CCDC60: variants seen among roughly 807,000 people sequenced by gnomAD.
CCDC60 encodes coiled-coil domain-containing protein 60.
Under a neutral mutation model 63.5 loss-of-function variants are expected in CCDC60, and 54 were observed. The ratio of observed to expected loss-of-function variants is 0.85; its 90% CI spans 0.68 to 1.07. CCDC60 has a LOEUF of 1.07. CCDC60 is among the 50% of genes least tolerant of loss of function. The pLI, the probability that CCDC60 is intolerant of heterozygous loss-of-function variation, is 0.00. For missense variants in CCDC60, 651 were observed against 684.3 expected (o/e 0.95, Z 0.54); for synonymous variants, 206 against 238.8 (o/e 0.86, Z 1.27).
intron 1 of CCDC60, among the ~76,000 whole-genome samples, chr12:119,336,383 G>C (rs1417894606): frequency 1.3e-5 from 2 of 152,198 alleles, no homozygotes; most frequent in Non-Finnish European, 2.9e-5. Flanking sequence ...ACGCGAACCA[G>C]ATCAGTGAGC....
intron 2 of CCDC60, among the ~76,000 whole-genome samples, chr12:119,444,775 C>T (rs939465): frequency 0.013 from 1,993 of 152,294 alleles, 52 homozygotes; most frequent in African/African-American, 0.046. Context: ...TACCTTCCCC[C>T]GGACAACCAG....
intron 2 of CCDC60, among the ~76,000 whole-genome samples, chr12:119,465,037 C>A (rs551819369): frequency 9.2e-5 from 14 of 152,218 alleles, no homozygotes; most frequent in African/African-American, 3.1e-4. Context: ...CTGGGCCAGG[C>A]GCGGTGGCTC....
chr12:119,540,496 GTATTCCT>G (rs1953129971), intron 13 of CCDC60, 111 bp from the exon 14 acceptor site: 2 of 737,478 alleles, frequency 2.7e-6, no homozygotes, highest in Non-Finnish European at 4.7e-6. Context: ...TGCCCAAATG[GTATTCCT>G]GGGGCCACCA....
At chr12:119,398,066 GGGAGAGGAA>G (rs1956308379) in intron 1 of CCDC60, among the ~76,000 whole-genome samples, 1 of 87,666 alleles carries the variant, frequency 1.1e-5, no homozygotes, top group African/African-American at 4.5e-5. Flanking sequence ...AGGGGGTGGG[GGGAGAGGAA>G]GGGGCCGCGG....
At chr12:119,506,553 A>G (rs1258219210) in intron 7 of CCDC60, among the ~76,000 whole-genome samples, 5 of 151,738 alleles carry the variant, frequency 3.3e-5, no homozygotes, top group South Asian at 2.1e-4. Flanking sequence ...GTAGGGGCTG[A>G]CGTGAGCTGT....
chr12:119,444,611 T>C (rs1950505560), intron 2 of CCDC60, among the ~76,000 whole-genome samples: 1 of 147,480 alleles, frequency 6.8e-6, no homozygotes, highest in South Asian at 2.1e-4. Context: ...AAGTTGGCGC[T>C]GTGTCCTCCA....
intron 6 of CCDC60, among the ~76,000 whole-genome samples, chr12:119,502,024 T>A (rs1719499290): frequency 6.6e-6 from 1 of 152,158 alleles, no homozygotes; most frequent in Admixed American, 6.5e-5. Context: ...ATACTCTTCT[T>A]TTCCCCTGAT....
chr12:119,342,669 T>C (rs1191702339), intron 1 of CCDC60, among the ~76,000 whole-genome samples: 1 of 152,244 alleles, frequency 6.6e-6, no homozygotes, highest in Non-Finnish European at 1.5e-5. Context: ...AGTGGGAACA[T>C]TTATTCACTC....
chr12:119,521,445 G>A (rs1952527696), intron 9 of CCDC60, among the ~76,000 whole-genome samples: 1 of 152,098 alleles, frequency 6.6e-6, no homozygotes, highest in African/African-American at 2.4e-5. Flanking sequence ...TAGGGGTGTT[G>A]GGTGCTAACC....
chr12:119,444,347 GA>G (rs1440555004), intron 2 of CCDC60, among the ~76,000 whole-genome samples: 1 of 152,172 alleles, frequency 6.6e-6, no homozygotes, highest in Non-Finnish European at 1.5e-5. Context: ...AATGGGAAAA[GA>G]AAAGGCTAGA....
At chr12:119,481,670 T>C (rs538570072) in intron 4 of CCDC60, among the ~76,000 whole-genome samples, 20 of 152,084 alleles carry the variant, frequency 1.3e-4, no homozygotes, top group Non-Finnish European at 2.9e-4. Context: ...ATTTCTTTAG[T>C]GGTGATTTGT....
At chr12:119,445,083 AT>A (rs1023792057) in intron 2 of CCDC60, among the ~76,000 whole-genome samples, 5 of 152,154 alleles carry the variant, frequency 3.3e-5, no homozygotes, top group African/African-American at 1.2e-4. Context: ...TCCCTTAAAA[AT>A]ATACCCGAAC....
chr12:119,501,066 G>A (rs1951840248), intron 6 of CCDC60, among the ~76,000 whole-genome samples: 1 of 152,172 alleles, frequency 6.6e-6, no homozygotes, highest in South Asian at 2.1e-4. Flanking sequence ...ATAGGTAAAG[G>A]TAATAGAGCA....
intron 5 of CCDC60, among the ~76,000 whole-genome samples, chr12:119,495,269 A>G (rs1224807500): frequency 1.3e-5 from 2 of 152,240 alleles, no homozygotes; most frequent in African/African-American, 4.8e-5. Flanking sequence ...TAATCAACTT[A>G]GAGAATAATC....
intron 4 of CCDC60, among the ~76,000 whole-genome samples, chr12:119,483,823 TA>T (rs960701110): frequency 6.6e-6 from 1 of 152,104 alleles, no homozygotes; most frequent in Non-Finnish European, 1.5e-5. Context: ...TCCCTGCATT[TA>T]AAAAAATAAA....
intron 3 of CCDC60, among the ~76,000 whole-genome samples, chr12:119,475,248 C>G (rs1015828279): frequency 1.3e-5 from 2 of 152,294 alleles, no homozygotes; most frequent in East Asian, 1.9e-4. Context: ...CTCAGATTGA[C>G]AGGCAAACCC....
intron 1 of CCDC60, among the ~76,000 whole-genome samples, chr12:119,409,331 G>T (rs1269881320): frequency 1.3e-5 from 2 of 152,076 alleles, no homozygotes; most frequent in Non-Finnish European, 2.9e-5. Context: ...GGACTGTCCT[G>T]TATATTGTAG....
At chr12:119,358,551 A>C (rs1200503591) in intron 1 of CCDC60, among the ~76,000 whole-genome samples, 2 of 152,220 alleles carry the variant, frequency 1.3e-5, no homozygotes, top group Non-Finnish European at 2.9e-5. Context: ...AAACAGACTA[A>C]GACAACCAGA....
intron 1 of CCDC60, among the ~76,000 whole-genome samples, chr12:119,348,090 G>A (rs565565637): frequency 9.0e-4 from 137 of 152,308 alleles, no homozygotes; most frequent in Non-Finnish European, 1.5e-3. Flanking sequence ...ACTGTCGCCT[G>A]TGTTGCTATT....
Sources: allele counts gnomAD v4.1 joint callset (sites outside exome capture counted in the v4.1 genomes callset), GRCh38; gene constraint gnomAD v4.1.1; transcripts MANE v1.5; gene names NCBI Gene and HGNC (gene_info 2026-07-23, HGNC 2026-07-21).